Variants in CSMD1 observed in about 807,000 individuals in gnomAD.
CSMD1 encodes the protein CUB and Sushi multiple domains 1.
CSMD1 carries 213 observed loss-of-function variants against 417.5 expected under a neutral mutation model. The ratio of observed to expected loss-of-function variants is 0.51; its 90% CI spans 0.46 to 0.57. The LOEUF is 0.57. Ranked by LOEUF, CSMD1 falls within the 20% of genes least tolerant of loss-of-function variation. The probability of loss-of-function intolerance (pLI) is 0.00; values close to 1 mark genes in which losing one functional copy is unlikely to be tolerated. For missense variants in CSMD1, 6,923 were observed against 4,529.7 expected (o/e 1.53, Z -15.17); for synonymous variants, 2,862 against 1,736.8 (o/e 1.65, Z -16.11).
intron 2 of CSMD1, among the ~76,000 whole-genome samples, chr8:4,567,485 G>A (rs961282979): frequency 1.3e-5 from 2 of 152,054 alleles, no homozygotes; most frequent in African/African-American, 4.8e-5. Flanking sequence ...CAATTCCAAT[G>A]TACTACTTCT....
At chr8:4,909,564 A>G (rs1805523374) in intron 1 of CSMD1, among the ~76,000 whole-genome samples, 2 of 152,044 alleles carry the variant, frequency 1.3e-5, no homozygotes, top group Admixed American at 1.3e-4. Flanking sequence ...TTTTTCCTTG[A>G]CCTGCCAGAG....
chr8:3,326,781 A>G (rs982178870), intron 23 of CSMD1, among the ~76,000 whole-genome samples: 3 of 152,184 alleles, frequency 2.0e-5, no homozygotes, highest in Admixed American at 6.5e-5. Flanking sequence ...AAATCATTCT[A>G]TTGAAGAATA....
intron 5 of CSMD1, among the ~76,000 whole-genome samples, chr8:3,784,135 T>G (rs1329628073): frequency 6.9e-6 from 1 of 145,458 alleles, no homozygotes; most frequent in Non-Finnish European, 1.5e-5. Context: ...CTTTTTCCTC[T>G]CTCTTTCTCT....
intron 17 of CSMD1, among the ~76,000 whole-genome samples, chr8:3,394,772 A>C (rs965684182): frequency 8.5e-5 from 13 of 152,218 alleles, no homozygotes; most frequent in African/African-American, 3.1e-4. Flanking sequence ...AACAAAATGT[A>C]AAATTTCCTG....
chr8:3,070,980 G>T (rs1813286722), intron 49 of CSMD1, among the ~76,000 whole-genome samples: 1 of 152,210 alleles, frequency 6.6e-6, no homozygotes, highest in African/African-American at 2.4e-5. Flanking sequence ...CAGCTCCTGG[G>T]GAGACCTGAG....
At chr8:4,673,328 C>A (rs369062496) in intron 1 of CSMD1, among the ~76,000 whole-genome samples, 1 of 152,098 alleles carries the variant, frequency 6.6e-6, no homozygotes, top group South Asian at 2.1e-4. Context: ...GACTCCAGGG[C>A]AAAGTTAGTT....
At chr8:4,454,043 C>T (rs1585103192) in intron 2 of CSMD1, among the ~76,000 whole-genome samples, 1 of 151,812 alleles carries the variant, frequency 6.6e-6, no homozygotes, top group Admixed American at 6.6e-5. Flanking sequence ...GGGATGGTCT[C>T]GATCTCCTGA....
intron 1 of CSMD1, among the ~76,000 whole-genome samples, chr8:4,938,722 G>T (rs933303435): frequency 1.3e-5 from 2 of 152,148 alleles, no homozygotes; most frequent in African/African-American, 4.8e-5. Flanking sequence ...TGATAAATTC[G>T]ATCTGAAATC....
intron 5 of CSMD1, among the ~76,000 whole-genome samples, chr8:3,971,115 A>G (rs1686166132): frequency 6.6e-6 from 1 of 152,168 alleles, no homozygotes; most frequent in South Asian, 2.1e-4. Context: ...GTGATCCAAC[A>G]TGGTGCTGAA....
At chr8:4,089,097 A>T (rs1045709768) in intron 3 of CSMD1, among the ~76,000 whole-genome samples, 6 of 152,238 alleles carry the variant, frequency 3.9e-5, no homozygotes, top group African/African-American at 1.4e-4. Context: ...TGTAGGATTC[A>T]GGAAACTTAA....
At chr8:2,985,161 T>C (rs578141135) in intron 54 of CSMD1, among the ~76,000 whole-genome samples, 5 of 152,306 alleles carry the variant, frequency 3.3e-5, no homozygotes, top group African/African-American at 9.6e-5. Context: ...GTGTACAGAA[T>C]ATAGAAACCT....
chr8:3,405,481 G>A (rs573367150), intron 15 of CSMD1, among the ~76,000 whole-genome samples: 1 of 152,312 alleles, frequency 6.6e-6, no homozygotes, highest in East Asian at 1.9e-4. Flanking sequence ...AAGCAACACT[G>A]TTATAGGTTG....
chr8:3,850,242 A>G (rs1341067330), intron 5 of CSMD1, among the ~76,000 whole-genome samples: 2 of 152,226 alleles, frequency 1.3e-5, no homozygotes, highest in African/African-American at 4.8e-5. Context: ...AGAATAAAAA[A>G]CCAATAGGTA....
At position 3,110,298 on chromosome 8, in the gene CSMD1, G is replaced by A. The variant is rs762018604; in HGVS notation, c.6468C>T (p.Thr2156=). 2.0e-5 allele frequency: 33 copies of A among 1,613,086 alleles called. No homozygotes were observed. The highest frequency in any genetic ancestry group is 2.8e-5 in the Non-Finnish European group (33 of 1,179,590). The change falls in exon 43 of 70, where the codon ACC becomes ACT. Residue 2156 remains threonine, a synonymous_variant. Coordinates refer to ENST00000635120, the MANE Select transcript of CSMD1 (RefSeq NM_033225.6). ...CATCAGGAAAGCCAGGGGAGTAGAT[G>A]GTGCCGTTCTGAGAAGTTACGTTGT... ...CGYNVTSQNG[T]IYSPGFPDEY...
At chr8:4,071,246 C>T (rs1170552466) in intron 3 of CSMD1, among the ~76,000 whole-genome samples, 2 of 151,946 alleles carry the variant, frequency 1.3e-5, no homozygotes, top group Non-Finnish European at 2.9e-5. Flanking sequence ...TGATATTGTC[C>T]CAAAGAAGCC....
chr8:4,193,760 G>C (rs1409911764), intron 3 of CSMD1, among the ~76,000 whole-genome samples: 1 of 152,086 alleles, frequency 6.6e-6, no homozygotes, highest in Non-Finnish European at 1.5e-5. Context: ...ATTTTGGCTG[G>C]CAAGTTATGG....
chr8:4,853,509 C>T (rs1350380890), intron 1 of CSMD1, among the ~76,000 whole-genome samples: 1 of 152,194 alleles, frequency 6.6e-6, no homozygotes, highest in Non-Finnish European at 1.5e-5. Flanking sequence ...TGGCAGCTTC[C>T]ACATAGATTT....
At chr8:3,394,856 GTA>G (rs1811591481) in intron 17 of CSMD1, among the ~76,000 whole-genome samples, 1 of 152,098 alleles carries the variant, frequency 6.6e-6, no homozygotes, top group Admixed American at 6.6e-5. Context: ...TATGTGAAGA[GTA>G]ATAACTGAAT....
chr8:3,819,533 TAC>T (rs10566509), intron 5 of CSMD1, among the ~76,000 whole-genome samples: 25,989 of 82,298 alleles, frequency 0.32, 2,367 homozygotes, highest in South Asian at 0.45. Flanking sequence ...AGGTGATTTC[TAC>T]ACACACACAC....
Sources: allele counts gnomAD v4.1 joint callset (sites outside exome capture counted in the v4.1 genomes callset), GRCh38; gene constraint gnomAD v4.1.1; transcripts MANE v1.5; gene names NCBI Gene and HGNC (gene_info 2026-07-23, HGNC 2026-07-21).